IL1RAPL2: variants seen among roughly 807,000 people sequenced by gnomAD.
The protein encoded by IL1RAPL2 is interleukin 1 receptor accessory protein like 2.
A neutral mutation model predicts 44.1 loss-of-function variants in IL1RAPL2; 3 were observed. That is an observed-to-expected ratio of 0.07 (90% CI 0.03 to 0.18). The LOEUF is 0.18. Ranked by LOEUF, IL1RAPL2 falls within the 10% of genes least tolerant of loss-of-function variation. IL1RAPL2 has a pLI of 1.00. For synonymous variants in IL1RAPL2, 181 were observed against 178.8 expected (o/e 1.01, Z -0.10); for missense variants, 391 against 496.4 (o/e 0.79, Z 2.02).
intron 2 of IL1RAPL2, among the ~76,000 whole-genome samples, chrX:104,869,902 G>C (rs1352519401): frequency 9.0e-6 from 1 of 111,266 alleles, no homozygotes; most frequent in Non-Finnish European, 1.9e-5. Context: ...GCACATTTCT[G>C]GTAATTGTTG....
intron 6 of IL1RAPL2, among the ~76,000 whole-genome samples, chrX:105,601,114 T>C (rs774688182): frequency 9.0e-6 from 1 of 111,714 alleles, no homozygotes; most frequent in African/African-American, 3.2e-5. Context: ...ATTTTGTTTT[T>C]TTTAAATTGA....
chrX:105,151,028 T>G (rs1038289594), intron 2 of IL1RAPL2, among the ~76,000 whole-genome samples: 3 of 112,206 alleles, frequency 2.7e-5, no homozygotes, highest in Non-Finnish European at 5.6e-5. Flanking sequence ...TTCAAGTTGT[T>G]AGGAAATATT....
At chrX:105,387,343 TC>T (rs1229406351) in intron 5 of IL1RAPL2, among the ~76,000 whole-genome samples, 1 of 108,732 alleles carries the variant, frequency 9.2e-6, no homozygotes, top group African/African-American at 3.4e-5. Context: ...CAAGTGATTC[TC>T]CTGCCTCAGC....
intron 1 of IL1RAPL2, among the ~76,000 whole-genome samples, chrX:104,627,480 A>C (rs749377989): frequency 1.4e-5 from 1 of 69,953 alleles, no homozygotes; most frequent in South Asian, 5.2e-4. Flanking sequence ...CTTAAAGTAT[A>C]ATAATAATAA....
intron 1 of IL1RAPL2, among the ~76,000 whole-genome samples, chrX:104,618,376 T>C (rs1035277818): frequency 7.1e-5 from 8 of 112,224 alleles, no homozygotes; most frequent in Non-Finnish European, 1.5e-4. Flanking sequence ...CAGGTCCACT[T>C]ACAGGTTCTC....
At chrX:105,517,098 G>A (rs947914121) in intron 6 of IL1RAPL2, among the ~76,000 whole-genome samples, 2 of 111,724 alleles carry the variant, frequency 1.8e-5, no homozygotes, top group Admixed American at 9.5e-5. Context: ...GGTGTGTTTT[G>A]AAAGGCAATG....
At chrX:105,002,784 T>C (rs2030874341) in intron 2 of IL1RAPL2, among the ~76,000 whole-genome samples, 2 of 110,305 alleles carry the variant, frequency 1.8e-5, no homozygotes, top group Non-Finnish European at 3.8e-5. Context: ...AAATAGAGTA[T>C]TCTTAAGGAG....
chrX:104,762,553 C>G (rs985549583), intron 2 of IL1RAPL2, among the ~76,000 whole-genome samples: 3 of 112,403 alleles, frequency 2.7e-5, no homozygotes, highest in Admixed American at 9.4e-5. Flanking sequence ...CACAGCTCCA[C>G]TAGGCAGTAC....
intron 6 of IL1RAPL2, among the ~76,000 whole-genome samples, chrX:105,568,691 A>G (rs1368384958): frequency 8.9e-6 from 1 of 112,299 alleles, no homozygotes; most frequent in Non-Finnish European, 1.9e-5. Context: ...TTCCTTGTTA[A>G]ACTCTTCATC....
intron 2 of IL1RAPL2, among the ~76,000 whole-genome samples, chrX:104,793,075 C>T (rs1484184457): frequency 8.9e-6 from 1 of 112,248 alleles, no homozygotes; most frequent in Non-Finnish European, 1.9e-5. Flanking sequence ...CATTTTCCAG[C>T]TGGGGAACTG....
intron 2 of IL1RAPL2, among the ~76,000 whole-genome samples, chrX:104,748,315 G>T (rs1284818721): frequency 9.0e-6 from 1 of 111,521 alleles, no homozygotes; most frequent in Non-Finnish European, 1.9e-5. Flanking sequence ...GAGAGCCTTG[G>T]ATTTAATCCT....
chrX:105,038,973 G>A (rs2031674590), intron 2 of IL1RAPL2, among the ~76,000 whole-genome samples: 1 of 111,273 alleles, frequency 9.0e-6, no homozygotes, highest in Non-Finnish European at 1.9e-5. Flanking sequence ...TTCAATAAGG[G>A]AATATCAATG....
intron 2 of IL1RAPL2, among the ~76,000 whole-genome samples, chrX:105,075,575 T>C (rs1372255429): frequency 8.9e-6 from 1 of 111,910 alleles, no homozygotes; most frequent in African/African-American, 3.3e-5. Flanking sequence ...TTAGGGAGGA[T>C]TCCCTCTTTT....
intron 6 of IL1RAPL2, among the ~76,000 whole-genome samples, chrX:105,655,028 T>C (rs1267609420): frequency 1.8e-5 from 2 of 112,493 alleles, no homozygotes; most frequent in Non-Finnish European, 3.8e-5. Flanking sequence ...TTGGTTGAAA[T>C]GGTGGAAAAT....
At chrX:105,073,752 T>G (rs191601588) in intron 2 of IL1RAPL2, among the ~76,000 whole-genome samples, 2,190 of 111,938 alleles carry the variant, frequency 0.02, 54 homozygotes, top group African/African-American at 0.067. Flanking sequence ...TGGTGTGAGA[T>G]GGTATCTCAT....
chrX:105,237,393 A>G (rs1227439333), intron 4 of IL1RAPL2, among the ~76,000 whole-genome samples: 1 of 111,812 alleles, frequency 8.9e-6, no homozygotes, highest in Non-Finnish European at 1.9e-5. Context: ...TGGTATTTCT[A>G]GTTCTAGATC....
At chrX:105,560,662 G>A (rs1001080951) in intron 6 of IL1RAPL2, among the ~76,000 whole-genome samples, 5 of 110,204 alleles carry the variant, frequency 4.5e-5, no homozygotes, top group East Asian at 2.8e-4. Flanking sequence ...CAGGTGATCC[G>A]CCCACCTCAG....
chrX:105,219,183 C>T, intron 3 of IL1RAPL2: 1 of 1,211,007 alleles, frequency 8.3e-7, no homozygotes, highest in South Asian at 1.8e-5. Flanking sequence ...TATCAAAGGC[C>T]TCCCAGTCGG....
At chrX:105,070,098 T>A (rs1290483352) in intron 2 of IL1RAPL2, among the ~76,000 whole-genome samples, 1 of 112,072 alleles carries the variant, frequency 8.9e-6, no homozygotes, top group Non-Finnish European at 1.9e-5. Context: ...TAGAATAGTA[T>A]CTCATAAGGC....
Sources: gnomAD v4.1 joint callset for allele counts (sites outside exome capture counted in the v4.1 genomes callset) on GRCh38, gnomAD v4.1.1 for gene constraint, MANE v1.5 for transcripts, NCBI Gene and HGNC (gene_info 2026-07-23, HGNC 2026-07-21) for gene names.